The following NLK variants were observed in gnomAD, a reference collection of about 807,000 sequenced individuals.
The protein encoded by NLK is nemo like kinase, also known as serine/threonine-protein kinase NLK.
In NLK, 11 loss-of-function variants were observed where a neutral mutation model predicts 59.0. That is an observed-to-expected ratio of 0.19 (90% CI 0.12 to 0.31). The LOEUF is 0.31. Among genes scored for constraint, NLK ranks in the 10% least tolerant of loss-of-function variants. NLK has a pLI of 1.00. For synonymous variants in NLK, 235 were observed against 235.9 expected (o/e 1.00, Z 0.03); for missense variants, 410 against 661.1 (o/e 0.62, Z 4.16).
At chr17:28,185,296 A>C (rs1230151845) in intron 8 of NLK, 31 bp downstream of exon 8, 1 of 1,298,506 alleles carries the variant, frequency 7.7e-7, no homozygotes, top group Non-Finnish European at 1.1e-6. Flanking sequence ...TATATTTTTA[A>C]TGAATTACAA....
rs755186700 is a variant in NLK at position 28,043,131 on chromosome 17, C to A, written c.258C>A (p.Asn86Lys). The A allele has an allele frequency of 6.2e-7, 1 of 1,608,870 alleles. No homozygotes were observed. Among genetic ancestry groups the A allele is most frequent in the South Asian group, 1.1e-5 (1 of 90,704 alleles). Reference sequence around the variant, plus strand: ...CGGCTGCAGCTGCAGCCATGTTAAACCCTGGGCAACAACAGCCATATTTCC... The same window carrying A: ...CGGCTGCAGCTGCAGCCATGTTAAAACCTGGGCAACAACAGCCATATTTCC... The part of the protein sequence containing the change: ...AAAAAAAAML[N>K]PGQQQPYFPS... Residue 86 changes from asparagine (N) to lysine (K), a missense_variant, in exon 1 of 11, where the codon AAC (asparagine) becomes AAA (lysine). Transcript: ENST00000407008.
At chr17:28,044,084 T>G (rs1040669905) in intron 1 of NLK, among the ~76,000 whole-genome samples, 3 of 152,242 alleles carry the variant, frequency 2.0e-5, no homozygotes, top group Non-Finnish European at 2.9e-5. Flanking sequence ...AATACTTTTT[T>G]AACAAATGAC....
intron 1 of NLK, among the ~76,000 whole-genome samples, chr17:28,053,449 G>C (rs1313343309): frequency 6.6e-6 from 1 of 152,146 alleles, no homozygotes; most frequent in Non-Finnish European, 1.5e-5. Flanking sequence ...TGCCATGTTT[G>C]CTTTCCTTCC....
At chr17:28,061,869 CATAT>C (rs964172510) in intron 1 of NLK, 2 of 138,442 alleles carry the variant, frequency 1.4e-5, no homozygotes, top group East Asian at 2.0e-4. Context: ...TATACATATA[CATAT>C]ATATAATATA....
intron 1 of NLK, among the ~76,000 whole-genome samples, chr17:28,086,260 A>G (rs182902728): frequency 1.9e-3 from 290 of 152,284 alleles, no homozygotes; most frequent in African/African-American, 6.8e-3. Flanking sequence ...GCAAAGAAAA[A>G]CAGGTTACTA....
intron 1 of NLK, among the ~76,000 whole-genome samples, chr17:28,056,121 C>G (rs897247627): frequency 1.3e-5 from 2 of 152,102 alleles, no homozygotes; most frequent in Non-Finnish European, 2.9e-5. Context: ...ACCTGGTATG[C>G]GTGGGTGTGT....
At chr17:28,083,505 G>A (rs532376437) in intron 1 of NLK, among the ~76,000 whole-genome samples, 1 of 152,204 alleles carries the variant, frequency 6.6e-6, no homozygotes, top group South Asian at 2.1e-4. Flanking sequence ...ATGCTACCCA[G>A]GAGTTTATAT....
At chr17:28,133,568 T>C (rs1906610100) in intron 3 of NLK, among the ~76,000 whole-genome samples, 1 of 152,200 alleles carries the variant, frequency 6.6e-6, no homozygotes, top group Admixed American at 6.5e-5. Flanking sequence ...CTCCTGGGAC[T>C]GTGCATGAAA....
chr17:28,047,106 C>T lies in NLK; in HGVS notation c.458+3775C>T, dbSNP rs546610635. Among the ~76,000 whole-genome samples, 8 of 152,290 alleles carry T rather than the reference C, an allele frequency of 5.3e-5. No homozygotes were observed. In the South Asian group the frequency reaches 1.7e-3, roughly 32 times the overall value. ...CTATAAAATGGGGATAATAATAGTA[C>T]TTATCTCAGGATTGATGTGAAGATT... On this transcript the variant is annotated intron_variant, in intron 1 of 10. Coordinates refer to ENST00000407008, the MANE Select transcript of NLK (RefSeq NM_016231.5).
chr17:28,163,493 T>C (rs1213233128), intron 4 of NLK, 50 bp from the exon 5 acceptor site: 1 of 1,072,372 alleles, frequency 9.3e-7, no homozygotes, highest in Non-Finnish European at 1.4e-6. Flanking sequence ...AAATTATTGG[T>C]TGAGTAAAAG....
chr17:28,108,907 G>A (rs1222958733), intron 1 of NLK, among the ~76,000 whole-genome samples: 2 of 152,082 alleles, frequency 1.3e-5, no homozygotes, highest in South Asian at 2.1e-4. Flanking sequence ...AGTGGCTCAC[G>A]CCTGTAATCC....
At position 28,181,627 on chromosome 17, in the gene NLK, G is replaced by A. The variant is rs559960906; in HGVS notation, c.1150-3552G>A. Among the ~76,000 whole-genome samples the A allele has an allele frequency of 7.9e-5, 12 of 151,784 alleles. No individual in the cohort carries two copies. In the East Asian group the frequency reaches 1.7e-3, roughly 22 times the overall value. ...TCTCTTTTTATTACCAAGGAATAGC[G>A]AGTTGGTCTACAGATACTTGAATGC... On this transcript the variant is annotated intron_variant, in intron 7 of 10. Transcript: ENST00000407008.
At chr17:28,132,540 G>A in intron 2 of NLK, 80 bp from the exon 3 acceptor site, 2 of 1,013,782 alleles carry the variant, frequency 2.0e-6, no homozygotes, top group Non-Finnish European at 3.0e-6. Context: ...TTAAAGAGTT[G>A]TTAGTATTTA....
At chr17:28,132,708 CA>C (rs1263088259) in intron 3 of NLK, 33 bp downstream of exon 3, 1 of 1,547,794 alleles carries the variant, frequency 6.5e-7, no homozygotes. Flanking sequence ...AAGAAGGGGA[CA>C]ATTTTTAAAA....
At chr17:28,088,305 A>T (rs1904355746) in intron 1 of NLK, among the ~76,000 whole-genome samples, 1 of 152,216 alleles carries the variant, frequency 6.6e-6, no homozygotes, top group South Asian at 2.1e-4. Context: ...TATTATAGAC[A>T]TTGATGATTA....
At chr17:28,112,279 T>G (rs1905557117) in intron 1 of NLK, among the ~76,000 whole-genome samples, 1 of 152,178 alleles carries the variant, frequency 6.6e-6, no homozygotes, top group African/African-American at 2.4e-5. Flanking sequence ...AGTTTAATGC[T>G]TTGACCCCAC....
intron 1 of NLK, among the ~76,000 whole-genome samples, chr17:28,104,128 G>C (rs1038823740): frequency 4.3e-4 from 65 of 152,190 alleles, no homozygotes; most frequent in Non-Finnish European, 9.0e-4. Flanking sequence ...TTCTCAACTA[G>C]ATCTTGGCCA....
chr17:28,184,932 AG>A (rs1252129594), intron 7 of NLK, among the ~76,000 whole-genome samples: 11 of 152,208 alleles, frequency 7.2e-5, no homozygotes, highest in African/African-American at 2.7e-4. Flanking sequence ...TGGGTGAGAG[AG>A]CGAGAATCCA....
intron 3 of NLK, among the ~76,000 whole-genome samples, chr17:28,158,711 C>T (rs1907885589): frequency 6.6e-6 from 1 of 151,978 alleles, no homozygotes; most frequent in Non-Finnish European, 1.5e-5. Context: ...CTCACTGCAA[C>T]CTTGACCTCC....
Sources: gnomAD v4.1 joint callset for allele counts (sites outside exome capture counted in the v4.1 genomes callset) on GRCh38, gnomAD v4.1.1 for gene constraint, MANE v1.5 for transcripts, NCBI Gene and HGNC (gene_info 2026-07-23, HGNC 2026-07-21) for gene names.